Variants in IL27RA observed in about 807,000 individuals in gnomAD.
The protein encoded by IL27RA is interleukin-27 receptor subunit alpha.
Under a neutral mutation model 80.8 loss-of-function variants are expected in IL27RA, and 61 were observed. The observed-to-expected ratio is 0.76, with a 90% confidence interval of 0.61 to 0.93. The LOEUF (loss-of-function observed/expected upper bound fraction) is 0.93. Among genes scored for constraint, IL27RA ranks in the 40% least tolerant of loss-of-function variants. IL27RA has a pLI of 0.00. For missense variants in IL27RA, 735 were observed against 808.1 expected, an observed-to-expected ratio of 0.91 and a Z score of 1.10; for synonymous variants, 316 against 332.5, an observed-to-expected ratio of 0.95 and a Z score of 0.54.
Position 14,052,392 on chromosome 19 carries a change from G to T in IL27RA, c.*102G>T, listed in dbSNP as rs1976189849. 1 of 966,178 alleles carries T rather than the reference G, an allele frequency of 1.0e-6. No homozygotes were observed. Among genetic ancestry groups the T allele is most frequent in the Non-Finnish European group, 1.5e-6 (1 of 684,182 alleles). 59.9% of individuals were successfully genotyped at this position (966,178 alleles called of 1,614,324 possible). On this transcript the variant is annotated 3_prime_UTR_variant, in exon 14 of 14. Coordinates refer to ENST00000263379, the MANE Select transcript of IL27RA (RefSeq NM_004843.4). ...CCTCTTGATGGATGAAGACACTGAG[G>T]ACTCAGAGAGGCTGAGTCACTTACC...
In IL27RA at chr19:14,046,319, C is replaced by A; in HGVS notation, c.934C>A (p.Leu312Ile). ...NATSWEPLTN[L>I]SLVCLDSASA... is the part of the protein sequence containing the mutation. ...CACAAGCTGGGAGCCTCTCACCAACCTCTCTTTGGTCTGCTTGGGTAAGAG... is the reference window on the plus strand; with the variant it reads ...CACAAGCTGGGAGCCTCTCACCAACATCTCTTTGGTCTGCTTGGGTAAGAG... Residue 312 changes from leucine (L) to isoleucine (I), a missense_variant, in exon 7 of 14, where the codon CTC becomes ATC. Leu to Ile is a conservative substitution (Grantham distance 5). Coordinates refer to ENST00000263379, the MANE Select transcript of IL27RA (RefSeq NM_004843.4). 6.2e-7 allele frequency: 1 copy of A among 1,613,894 alleles called. No individual in the cohort carries two copies. The highest frequency in any genetic ancestry group is 8.5e-7 in the Non-Finnish European group (1 of 1,179,892).
At position 14,046,230 on chromosome 19, in the gene IL27RA, T is replaced by C. The variant is rs1976062750; in HGVS notation, c.845T>C (p.Ile282Thr). ...VGGRELSPEG[I>T]TCCCSLIPSG... ...GGTCGTGAGCTGAGTCCAGAAGGAA[T>C]TACCTGCTGCTGCTCCCTAATTCCC... is the stretch of plus-strand genomic sequence containing the variant. The change falls in exon 7 of 14, where the codon ATT (isoleucine) becomes ACT (threonine). Residue 282 changes from isoleucine (I) to threonine (T), a missense_variant. Physicochemically the swap from Ile to Thr is moderately conservative, Grantham distance 89 (BLOSUM62 -1). Coordinates refer to ENST00000263379, the MANE Select transcript of IL27RA (RefSeq NM_004843.4). The C allele has an allele frequency of 6.2e-7, 1 of 1,614,138 alleles. No individual in the cohort carries two copies. The highest frequency in any genetic ancestry group is 8.5e-7 in the Non-Finnish European group (1 of 1,180,020).
chr19:14,040,787 GCACTCCACACTCCA>G (rs1975978092), intron 4 of IL27RA, among the ~76,000 whole-genome samples: 2 of 150,872 alleles, frequency 1.3e-5, no homozygotes, highest in African/African-American at 4.9e-5. Flanking sequence ...TCGTGCCACT[GCACTCCACACTCCA>G]GCCTGGCAAC....
chr19:14,047,626 G>A (rs953087687), intron 8 of IL27RA, among the ~76,000 whole-genome samples: 2 of 150,668 alleles, frequency 1.3e-5, no homozygotes, highest in Non-Finnish European at 2.9e-5. Context: ...CAAAATGATG[G>A]GATGACAGGG....
intron 8 of IL27RA, among the ~76,000 whole-genome samples, chr19:14,047,434 A>G (rs988222113): frequency 1.3e-5 from 2 of 149,396 alleles, no homozygotes; most frequent in Non-Finnish European, 3.0e-5. Flanking sequence ...AGCTCACTGC[A>G]GCCTTCACCT....
intron 2 of IL27RA, among the ~76,000 whole-genome samples, chr19:14,036,093 A>AAAG (rs373073771): frequency 1.8e-4 from 27 of 149,870 alleles, no homozygotes; most frequent in South Asian, 1.5e-3. Context: ...AAAAAAAAAG[A>AAAG]AAGAAGAAGA....
chr19:14,049,643 A>G (rs10417333), intron 10 of IL27RA, among the ~76,000 whole-genome samples: 44,567 of 147,244 alleles, frequency 0.3, 7,855 homozygotes, highest in African/African-American at 0.5. Flanking sequence ...GTGCAATGGC[A>G]CGATCTCAGC....
At chr19:14,032,330 A>C in intron 1 of IL27RA, 56 bp from the exon 2 acceptor site, 1 of 1,327,310 alleles carries the variant, frequency 7.5e-7, no homozygotes, top group Non-Finnish European at 1.1e-6. Flanking sequence ...TGGGGTGTGC[A>C]GGCGGAAGGG....
chr19:14,045,184 G>A (rs1347793718), intron 6 of IL27RA, among the ~76,000 whole-genome samples: 1 of 151,372 alleles, frequency 6.6e-6, no homozygotes. Flanking sequence ...CTACTGGGGA[G>A]GCTGAGGTGG....
intron 6 of IL27RA, among the ~76,000 whole-genome samples, chr19:14,043,660 A>G (rs568211036): frequency 1.6e-4 from 24 of 151,092 alleles, no homozygotes; most frequent in Non-Finnish European, 3.1e-4. Context: ...TCCTGACCTC[A>G]TGATCCAGCC....
At chr19:14,038,146 T>C (rs1034810836) in intron 2 of IL27RA, among the ~76,000 whole-genome samples, 1 of 151,614 alleles carries the variant, frequency 6.6e-6, no homozygotes, top group African/African-American at 2.4e-5. Flanking sequence ...TCTCTTTCTA[T>C]ATATGGTGCT....
At position 14,051,942 on chromosome 19, in the gene IL27RA, C is replaced by T; in HGVS notation, c.1685C>T (p.Ala562Val). The change falls in exon 13 of 14, where the codon GCC becomes GTC. Residue 562 changes from alanine to valine, a missense_variant. Transcript: ENST00000263379. ...GTCTGGGAGAAAGTTCCTGATCCTG[C>T]CAACAGCAGTTCAGGCCAGCCCCAC... The part of the protein sequence containing the change: ...RWVWEKVPDP[A>V]NSSSGQPHME... 2 of 1,588,966 alleles carry T rather than the reference C, an allele frequency of 1.3e-6. No homozygotes were observed. Among genetic ancestry groups the T allele is most frequent in the Non-Finnish European group, 8.6e-7 (1 of 1,166,704 alleles).
At chr19:14,051,532 ACT>A (rs968208718) in intron 11 of IL27RA, 73 bp from the exon 12 acceptor site, 13 of 817,324 alleles carry the variant, frequency 1.6e-5, no homozygotes, top group Non-Finnish European at 2.3e-5. Context: ...ACAGGGCAAG[ACT>A]CTGTCTCAAA....
chr19:14,039,975 T>C lies in IL27RA; in HGVS notation c.534+65T>C, dbSNP rs1599298978. 15 of 1,515,452 alleles carry C rather than the reference T, an allele frequency of 9.9e-6. 1 individual carries two copies. Among genetic ancestry groups the C allele is most frequent in the Middle Eastern group, 1.7e-4 (1 of 5,774 alleles). The allele number at this position is 1,515,452 out of a possible 1,614,324, so 93.9% of individuals were successfully genotyped here. On this transcript the variant is annotated intron_variant, in intron 4 of 13. Transcript: ENST00000263379. The stretch of plus-strand genomic sequence containing the variant: ...CGGGGACTGAGGCAACATCTCCTAA[T>C]CTGAGACCCAGCCCAGGACTCATTC...
At chr19:14,039,333 A>G (rs1299675381) in intron 2 of IL27RA, among the ~76,000 whole-genome samples, 175 bp from the exon 3 acceptor site, 1 of 152,112 alleles carries the variant, frequency 6.6e-6, no homozygotes, top group Non-Finnish European at 1.5e-5. Context: ...AGATGAGGAA[A>G]CTGATGCACA....
At chr19:14,032,291 CA>C (rs1429932752) in intron 1 of IL27RA, 94 bp from the exon 2 acceptor site, 7 of 959,512 alleles carry the variant, frequency 7.3e-6, no homozygotes, top group Non-Finnish European at 1.1e-5. Context: ...TAAGCCCCCC[CA>C]CCTTGCAATT....
At chr19:14,046,719 G>T in intron 8 of IL27RA, 101 bp downstream of exon 8, 2 of 1,167,170 alleles carry the variant, frequency 1.7e-6, no homozygotes, top group South Asian at 1.5e-5. Context: ...CGTGATGGCC[G>T]GGCTTGGTGG....
In IL27RA at chr19:14,032,406, T is replaced by C. The variant is rs989627963; in HGVS notation, c.121T>C (p.Cys41Arg). Residue 41 changes from cysteine (C) to arginine (R), a missense_variant, in exon 2 of 14, where the codon TGC (cysteine) becomes CGC (arginine). Physicochemically the swap from Cys to Arg is radical, Grantham distance 180. Coordinates refer to ENST00000263379, the MANE Select transcript of IL27RA (RefSeq NM_004843.4). ...RPQGSAGPLQ[C>R]YGVGPLGDLN... ...TCCAGGCAGCGCCGGGCCACTGCAGTGCTACGGAGTTGGACCCTTGGGCGA... is the reference window on the plus strand; with the variant it reads ...TCCAGGCAGCGCCGGGCCACTGCAGCGCTACGGAGTTGGACCCTTGGGCGA... 3.7e-6 allele frequency: 6 copies of C among 1,613,670 alleles called. No homozygotes were observed. The highest frequency in any genetic ancestry group is 1.1e-5 in the South Asian group (1 of 91,066).
intron 2 of IL27RA, among the ~76,000 whole-genome samples, chr19:14,037,834 C>CTCTTT (rs77898584): frequency 0.025 from 3,294 of 129,298 alleles, 81 homozygotes; most frequent in Non-Finnish European, 0.043. Context: ...CTCTCTCTCT[C>CTCTTT]TTTTTTTTTT....
Sources: allele counts gnomAD v4.1 joint callset (sites outside exome capture counted in the v4.1 genomes callset), GRCh38; gene constraint gnomAD v4.1.1; transcripts MANE v1.5; gene names NCBI Gene and HGNC (gene_info 2026-07-23, HGNC 2026-07-21).